EIF2B3: variants seen among roughly 807,000 people sequenced by gnomAD.
EIF2B3 encodes eukaryotic translation initiation factor 2B subunit gamma, also known as translation initiation factor eIF2B subunit gamma.
In EIF2B3, 20 loss-of-function variants were observed where a neutral mutation model predicts 54.1. The observed-to-expected ratio is 0.37, with a 90% CI of 0.26 to 0.54. The LOEUF is 0.54. Among genes scored for constraint, EIF2B3 ranks in the 20% least tolerant of loss-of-function variants. EIF2B3 has a pLI of 0.86. For synonymous variants in EIF2B3, 153 were observed against 188.1 expected, an observed-to-expected ratio of 0.81 and a Z score of 1.52; for missense variants, 448 against 547.8, an observed-to-expected ratio of 0.82 and a Z score of 1.82.
intron 10 of EIF2B3, among the ~76,000 whole-genome samples, chr1:44,873,741 A>G (rs1655035413): frequency 6.6e-6 from 1 of 151,822 alleles, no homozygotes; most frequent in Admixed American, 6.6e-5. Flanking sequence ...CCTGGGTTCA[A>G]GCCATTCTCC....
intron 1 of EIF2B3, among the ~76,000 whole-genome samples, chr1:44,985,085 C>T (rs1644558412): frequency 6.6e-6 from 1 of 152,084 alleles, no homozygotes; most frequent in Admixed American, 6.5e-5. Context: ...GGATTACAGG[C>T]GTGAGCCACC....
intron 6 of EIF2B3, among the ~76,000 whole-genome samples, chr1:44,884,020 G>C (rs1415351469): frequency 6.6e-6 from 1 of 152,054 alleles, no homozygotes; most frequent in Non-Finnish European, 1.5e-5. Context: ...TTTATTATTT[G>C]TAGAGGCAAA....
chr1:44,898,822 C>T (rs1656067555), intron 5 of EIF2B3, among the ~76,000 whole-genome samples: 1 of 152,098 alleles, frequency 6.6e-6, no homozygotes, highest in Admixed American at 6.5e-5. Flanking sequence ...CCTCCTGTAG[C>T]TGGCACTGCA....
Position 44,977,709 on chromosome 1 carries a change from C to T in EIF2B3, c.294+606G>A, listed in dbSNP as rs1347870960. Among the ~76,000 whole-genome samples, 6 of 152,310 alleles carry T rather than the reference C, an allele frequency of 3.9e-5. No homozygotes were observed. The South Asian group carries it at 8.3e-4, about 21-fold the overall frequency. On this transcript the variant is annotated intron_variant, in intron 3 of 11. Transcript: ENST00000360403. The stretch of plus-strand genomic sequence containing the variant: ...CAAACTCCTGACCTCAAGTGATCCA[C>T]CTGCCTTGGCCTCCCAAAGGGATTA...
At chr1:44,984,198 TAA>T (rs1157634751) in intron 1 of EIF2B3, among the ~76,000 whole-genome samples, 4 of 145,434 alleles carry the variant, frequency 2.8e-5, no homozygotes, top group South Asian at 4.4e-4. Flanking sequence ...TAAAATAAAA[TAA>T]AAAAGAGCCA....
chr1:44,887,547 G>A (rs1569625688), intron 6 of EIF2B3, among the ~76,000 whole-genome samples: 2 of 152,316 alleles, frequency 1.3e-5, no homozygotes, highest in South Asian at 4.1e-4. Context: ...ACAGTAGAAC[G>A]TTCCGAATGA....
chr1:44,980,135 C>G (rs1451841807), intron 2 of EIF2B3, among the ~76,000 whole-genome samples: 2 of 152,068 alleles, frequency 1.3e-5, no homozygotes, highest in African/African-American at 4.8e-5. Context: ...GTGACCAAAG[C>G]TGAACTCATT....
At chr1:44,853,746 G>A (rs1345491288) in intron 11 of EIF2B3, among the ~76,000 whole-genome samples, 3 of 152,172 alleles carry the variant, frequency 2.0e-5, no homozygotes, top group Non-Finnish European at 4.4e-5. Flanking sequence ...AGGATGATAA[G>A]TTGGGAAAAT....
chr1:44,868,385 G>A (rs1415410796), intron 10 of EIF2B3, among the ~76,000 whole-genome samples: 8 of 109,038 alleles, frequency 7.3e-5, no homozygotes, highest in African/African-American at 2.7e-4. Context: ...GTGACAGAAT[G>A]AGACTCCGTC....
rs565227328 is a variant in EIF2B3, at chr1:44,947,275, C to G, written c.295-5610G>C. On this transcript the variant is annotated intron_variant, in intron 3 of 11. Coordinates refer to ENST00000360403, the MANE Select transcript of EIF2B3 (RefSeq NM_020365.5). ...TGCAAGGTTTCAAGGGAAGGCAGCA[C>G]TTTAGTGTTTAAAGTGTCCAAAACA... Among the ~76,000 whole-genome samples the G allele has an allele frequency of 3.9e-5, 6 of 152,308 alleles. No homozygotes were observed. The South Asian group carries it at 1.2e-3, about 32-fold the overall frequency.
At chr1:44,970,242 AG>A (rs1426343626) in intron 3 of EIF2B3, among the ~76,000 whole-genome samples, 4 of 152,242 alleles carry the variant, frequency 2.6e-5, no homozygotes, top group Non-Finnish European at 5.9e-5. Context: ...ACATATAAGT[AG>A]GACTGCAATA....
At chr1:44,899,624 A>AT (rs1656105590) in intron 5 of EIF2B3, among the ~76,000 whole-genome samples, 1 of 152,222 alleles carries the variant, frequency 6.6e-6, no homozygotes, top group African/African-American at 2.4e-5. Flanking sequence ...CCACAATGAG[A>AT]TACCACCTCA....
rs746995968 is a variant in EIF2B3, at chr1:44,978,355, C to T, written c.254G>A (p.Gly85Glu). The change falls in exon 3 of 12, where the codon GGA becomes GAA. Residue 85 changes from glycine (G) to glutamate (E), a missense_variant. By Grantham distance (98) the Gly-to-Glu change is moderately conservative. Transcript: ENST00000360403. ...TATGTAGCGCAAAGAATCTGCAGTT[C>T]CCATGTCAGCGTCATCAGGAATACA... ...IVCIPDDADM[G>E]TADSLRYIYP... 1 of 1,614,058 alleles carries T rather than the reference C, an allele frequency of 6.2e-7. No individual in the cohort carries two copies. The highest frequency in any genetic ancestry group is 2.2e-5 in the East Asian group (1 of 44,872).
chr1:44,938,425 T>C (rs1643981148), intron 4 of EIF2B3, among the ~76,000 whole-genome samples: 1 of 151,908 alleles, frequency 6.6e-6, no homozygotes, highest in Admixed American at 6.6e-5. Flanking sequence ...GGTGGGAGAA[T>C]TGCTTGAGGT....
intron 6 of EIF2B3, among the ~76,000 whole-genome samples, chr1:44,892,427 A>T (rs1655826496): frequency 6.6e-6 from 1 of 151,952 alleles, no homozygotes; most frequent in Admixed American, 6.6e-5. Context: ...AAAAAATAAG[A>T]AAATTAGCCA....
intron 6 of EIF2B3, among the ~76,000 whole-genome samples, chr1:44,889,523 C>A: frequency 6.7e-6 from 1 of 149,920 alleles, no homozygotes; most frequent in South Asian, 2.1e-4. Flanking sequence ...GGTGACAGAG[C>A]GAGGATCCAT....
intron 6 of EIF2B3, among the ~76,000 whole-genome samples, chr1:44,882,596 G>A (rs1171039668): frequency 2.6e-5 from 4 of 151,364 alleles, no homozygotes; most frequent in African/African-American, 7.3e-5. Flanking sequence ...GATTACAGGT[G>A]TGAGAGCCAC....
chr1:44,963,666 T>C (rs578125679), intron 3 of EIF2B3, among the ~76,000 whole-genome samples: 1 of 152,328 alleles, frequency 6.6e-6, no homozygotes, highest in East Asian at 1.9e-4. Context: ...GGTGACAGAA[T>C]GCTTACTGAC....
intron 5 of EIF2B3, among the ~76,000 whole-genome samples, chr1:44,919,145 C>T (rs12403839): frequency 0.17 from 25,731 of 151,794 alleles, 2,262 homozygotes; most frequent in Non-Finnish European, 0.18. Flanking sequence ...GTCAGGAGTT[C>T]GAAACCAGCC....
Sources: gnomAD v4.1 joint callset for allele counts (sites outside exome capture counted in the v4.1 genomes callset) on GRCh38, gnomAD v4.1.1 for gene constraint, MANE v1.5 for transcripts, NCBI Gene and HGNC (gene_info 2026-07-23, HGNC 2026-07-21) for gene names.